The following TPCN1 variants were observed in gnomAD, a reference collection of about 807,000 sequenced individuals.
TPCN1 encodes two pore channel protein 1.
A neutral mutation model predicts 108.8 loss-of-function variants in TPCN1; 52 were observed. The ratio of observed to expected loss-of-function variants is 0.48; its 90% CI spans 0.38 to 0.60. TPCN1 has a LOEUF of 0.60. Ranked by LOEUF, TPCN1 falls within the 20% of genes least tolerant of loss-of-function variation. TPCN1 has a pLI of 0.00. For missense variants in TPCN1, 806 were observed against 1,072.8 expected (o/e 0.75, Z 3.47); for synonymous variants, 446 against 433.7 (o/e 1.03, Z -0.35).
At chr12:113,240,562 A>G (rs1013716457) in intron 2 of TPCN1, among the ~76,000 whole-genome samples, 2 of 152,200 alleles carry the variant, frequency 1.3e-5, no homozygotes, top group African/African-American at 4.8e-5. Flanking sequence ...GACTTTCTGC[A>G]TTGAGGATGT....
chr12:113,249,979 G>C (rs1593117386), intron 2 of TPCN1: 1 of 152,252 alleles, frequency 6.6e-6, no homozygotes, highest in African/African-American at 2.4e-5. Flanking sequence ...CACCTCCTAA[G>C]GTTGATGCGA....
In TPCN1 at chr12:113,231,610, G is replaced by A. The variant is rs989398092; in HGVS notation, c.112+4646G>A. Reference sequence around the variant, plus strand: ...GGCAGGGACTGAGGAATCTGGCTGTGCTGCCTGTGACCTTTAACCCTATGT... The same window carrying A: ...GGCAGGGACTGAGGAATCTGGCTGTACTGCCTGTGACCTTTAACCCTATGT... On this transcript the variant is annotated intron_variant, in intron 2 of 27. Coordinates refer to ENST00000335509, the MANE Select transcript of TPCN1 (RefSeq NM_017901.6). The surrounding 1 kb of genome is among the most constrained non-coding windows in gnomAD (Gnocchi z 4.3). Among the ~76,000 whole-genome samples, 8 of 152,200 alleles carry A rather than the reference G, an allele frequency of 5.3e-5. No individual in the cohort carries two copies. Among genetic ancestry groups the A allele is most frequent in the Non-Finnish European group, 8.8e-5 (6 of 68,040 alleles).
At chr12:113,281,951 A>G (rs1158134760) in intron 15 of TPCN1, among the ~76,000 whole-genome samples, 1 of 124,940 alleles carries the variant, frequency 8.0e-6, no homozygotes, top group African/African-American at 3.1e-5. Context: ...GTCTCACTCT[A>G]TCTCTGTCAC....
intron 23 of TPCN1, among the ~76,000 whole-genome samples, chr12:113,291,304 T>C (rs1956259440): frequency 6.6e-6 from 1 of 152,232 alleles, no homozygotes; most frequent in South Asian, 2.1e-4. Context: ...TTCCCTCTAG[T>C]GACAAAGTGG....
intron 7 of TPCN1, among the ~76,000 whole-genome samples, chr12:113,271,179 G>A (rs1024120778): frequency 6.6e-6 from 1 of 152,096 alleles, no homozygotes; most frequent in Non-Finnish European, 1.5e-5. Flanking sequence ...CAAGAGGTGA[G>A]GCAGGAGGAT....
intron 2 of TPCN1, among the ~76,000 whole-genome samples, chr12:113,247,973 T>G (rs562574727): frequency 2.6e-5 from 4 of 152,342 alleles, no homozygotes; most frequent in South Asian, 4.1e-4. Flanking sequence ...CGCTGTTCTT[T>G]CACCTTAGCT....
rs761347477 is a variant in TPCN1, at chr12:113,269,797, G to A, written c.700G>A (p.Asp234Asn). 6.8e-6 allele frequency: 11 copies of A among 1,613,834 alleles called. No individual in the cohort carries two copies. In the South Asian group the frequency reaches 1.2e-4, roughly 18 times the overall value. ...QIFQSLPPFM[D>N]ILLLLLFFMI... Reference sequence around the variant, plus strand: ...CTTCCAGTCCCTGCCGCCCTTCATGGACATCCTCCTGCTGCTGCTGTTCTT... The same window carrying A: ...CTTCCAGTCCCTGCCGCCCTTCATGAACATCCTCCTGCTGCTGCTGTTCTT... Residue 234 changes from aspartate (D) to asparagine (N), a missense_variant, in exon 7 of 28, where the codon GAC (aspartate) becomes AAC (asparagine). Asp to Asn is a conservative substitution (Grantham distance 23). Transcript: ENST00000335509. The surrounding 1 kb of genome is among the most constrained non-coding windows in gnomAD (Gnocchi z 5.0).
intron 3 of TPCN1, among the ~76,000 whole-genome samples, chr12:113,261,482 G>T (rs1456500547): frequency 8.5e-6 from 1 of 117,938 alleles, no homozygotes; most frequent in African/African-American, 3.3e-5. Flanking sequence ...GAGTTGAATT[G>T]CAGTGGCTTG....
chr12:113,290,108 C>T lies in TPCN1; in HGVS notation c.1797-20C>T. The T allele has an allele frequency of 6.6e-7, 1 of 1,522,552 alleles. No homozygotes were observed. The highest frequency in any genetic ancestry group is 9.0e-7 in the Non-Finnish European group (1 of 1,116,446). The allele number at this position is 1,522,552 out of a possible 1,614,324, so 94.3% of individuals were successfully genotyped here. On this transcript the variant is annotated intron_variant, in intron 21 of 27. Transcript: ENST00000335509. Reference sequence around the variant, plus strand: ...ATCGCCTTGTGACCCTCCCTCCTTTCTCCCTTGTGCTCCGGCCAGCACGAG... The same window carrying T: ...ATCGCCTTGTGACCCTCCCTCCTTTTTCCCTTGTGCTCCGGCCAGCACGAG...
At chr12:113,295,181 C>T (rs187500237) in intron 27 of TPCN1, among the ~76,000 whole-genome samples, 137 of 152,268 alleles carry the variant, frequency 9.0e-4, no homozygotes, top group African/African-American at 3.1e-3. Context: ...TGGCCTCTGC[C>T]CTTCTGCCTG....
chr12:113,244,753 C>T (rs1473253609), intron 2 of TPCN1: 11 of 985,222 alleles, frequency 1.1e-5, no homozygotes, highest in Non-Finnish European at 1.3e-5. Context: ...TGTGAGTATT[C>T]GCATTTGTTT....
intron 2 of TPCN1, among the ~76,000 whole-genome samples, chr12:113,257,804 C>T (rs1954880104): frequency 6.6e-6 from 1 of 152,064 alleles, no homozygotes. Flanking sequence ...ATATTTATTA[C>T]TCAGCAAAGA....
chr12:113,250,479 G>A (rs1954590861), intron 2 of TPCN1, among the ~76,000 whole-genome samples: 1 of 152,216 alleles, frequency 6.6e-6, no homozygotes, highest in African/African-American at 2.4e-5. Flanking sequence ...ACGTGGTGAT[G>A]GGGTACTCAC....
At chr12:113,254,297 AAAG>A (rs1954758503) in intron 2 of TPCN1, among the ~76,000 whole-genome samples, 1 of 152,240 alleles carries the variant, frequency 6.6e-6, no homozygotes, top group Non-Finnish European at 1.5e-5. Context: ...AGAAAATTGA[AAAG>A]GAGGAAATAT....
rs1003886939 is a variant in TPCN1 at position 113,273,019 on chromosome 12, A to G, written c.784-213A>G. ...GACTCCCTAGAAAAAAGTCCCCCCA[A>G]GTCAATAGTTTGCTTCTGCCGGAAG... is the stretch of plus-strand genomic sequence containing the variant. On this transcript the variant is annotated intron_variant, in intron 8 of 27. Transcript: ENST00000335509. The surrounding 1 kb of genome is among the most constrained non-coding windows in gnomAD (Gnocchi z 4.0). 2.0e-5 allele frequency among the ~76,000 whole-genome samples: 3 copies of G among 152,206 alleles called. No homozygotes were observed. The highest frequency in any genetic ancestry group is 2.9e-5 in the Non-Finnish European group (2 of 68,024).
intron 2 of TPCN1, among the ~76,000 whole-genome samples, chr12:113,253,291 G>C (rs1258868017): frequency 6.6e-6 from 1 of 152,214 alleles, no homozygotes. Flanking sequence ...TACTTGGCAG[G>C]ATTGTTGTAA....
chr12:113,221,481 C>T lies in TPCN1; in HGVS notation c.-271C>T, dbSNP rs996951758. The T allele has an allele frequency of 6.4e-6, 2 of 311,856 alleles. No homozygotes were observed. Among genetic ancestry groups the T allele is most frequent in the Admixed American group, 3.9e-5 (1 of 25,360 alleles). The allele number at this position is 311,856 out of a possible 1,614,324, so 19.3% of individuals were successfully genotyped here. A position where few individuals can be genotyped will look rare whatever the true frequency, so the allele number is the denominator to read the frequency against. On this transcript the variant is annotated 5_prime_UTR_variant, in exon 1 of 28. Transcript: ENST00000335509. ...GGATAGGAGAGCTGGCGCAGCTGCC[C>T]TGGTGGCAGTGGCTGAAGTGGCGGC...
intron 10 of TPCN1, 59 bp from the exon 11 acceptor site, chr12:113,276,860 C>A: frequency 8.5e-7 from 1 of 1,169,894 alleles, no homozygotes; most frequent in Non-Finnish European, 1.3e-6. Flanking sequence ...TACCCCCCTG[C>A]ACTCCCTGCC....
chr12:113,267,614 A>G (rs1329161061), intron 4 of TPCN1, among the ~76,000 whole-genome samples: 1 of 151,786 alleles, frequency 6.6e-6, no homozygotes, highest in Non-Finnish European at 1.5e-5. Context: ...ATTTTTCATC[A>G]TTTGGGCCAG....
Sources: gnomAD v4.1 joint callset for allele counts (sites outside exome capture counted in the v4.1 genomes callset) on GRCh38, gnomAD v4.1.1 for gene constraint, Gnocchi (gnomAD v3.1) non-coding constraint, MANE v1.5 for transcripts, NCBI Gene and HGNC (gene_info 2026-07-23, HGNC 2026-07-21) for gene names.